Variants in EYA4 observed in about 807,000 individuals in gnomAD.
The protein encoded by EYA4 is protein phosphatase EYA4.
Under a neutral mutation model 87.9 loss-of-function variants are expected in EYA4, and 31 were observed. The ratio of observed to expected loss-of-function variants is 0.35; its 90% CI spans 0.27 to 0.48. The LOEUF is 0.48. Ranked by LOEUF, EYA4 falls within the 20% of genes least tolerant of loss-of-function variation. The pLI is 0.99. For missense variants in EYA4, 678 were observed against 761.4 expected (o/e 0.89, Z 1.29); for synonymous variants, 263 against 270.6 (o/e 0.97, Z 0.28).
Position 133,528,908 on chromosome 6 carries a change from G to T in EYA4, c.*103G>T. Reference sequence around the variant, plus strand: ...TCTACACATATAAATTGTCTTAATGGATGAAATCATATTTGGAATAAAAAT... The same window carrying T: ...TCTACACATATAAATTGTCTTAATGTATGAAATCATATTTGGAATAAAAAT... On this transcript the variant is annotated 3_prime_UTR_variant, in exon 20 of 20. Coordinates refer to ENST00000355286, the MANE Select transcript of EYA4 (RefSeq NM_004100.5). The T allele has an allele frequency of 6.3e-7, 1 of 1,594,994 alleles. No homozygotes were observed. The highest frequency in any genetic ancestry group is 1.7e-5 in the Admixed American group (1 of 58,312).
At chr6:133,379,321 G>A (rs1785973994) in intron 2 of EYA4, among the ~76,000 whole-genome samples, 1 of 151,982 alleles carries the variant, frequency 6.6e-6, no homozygotes, top group Admixed American at 6.6e-5. Flanking sequence ...TAGCATATAT[G>A]GGTCAGCACT....
intron 2 of EYA4, among the ~76,000 whole-genome samples, chr6:133,304,842 C>T (rs11154722): frequency 0.16 from 24,483 of 152,062 alleles, 2,428 homozygotes; most frequent in East Asian, 0.42. Flanking sequence ...CAGCACTAAA[C>T]GTGAGATAAA....
At chr6:133,381,012 C>T (rs1786158083) in intron 2 of EYA4, among the ~76,000 whole-genome samples, 2 of 149,350 alleles carry the variant, frequency 1.3e-5, no homozygotes, top group Non-Finnish European at 3.0e-5. Flanking sequence ...TCCTCATCCC[C>T]TCCTCCTTCT....
chr6:133,460,690 T>C (rs1794304094), intron 6 of EYA4, among the ~76,000 whole-genome samples: 2 of 152,124 alleles, frequency 1.3e-5, no homozygotes, highest in Admixed American at 6.6e-5. Flanking sequence ...TTTTGTATTG[T>C]ATTTGAATTA....
chr6:133,414,565 C>T (rs751326355), intron 3 of EYA4, among the ~76,000 whole-genome samples: 1 of 152,034 alleles, frequency 6.6e-6, no homozygotes, highest in East Asian at 1.9e-4. Flanking sequence ...AAGGGTGGGG[C>T]CCTTTGCTAT....
intron 1 of EYA4, among the ~76,000 whole-genome samples, chr6:133,267,909 G>T (rs1205087458): frequency 2.6e-5 from 4 of 152,136 alleles, no homozygotes; most frequent in Non-Finnish European, 5.9e-5. Flanking sequence ...AAAGTACAGA[G>T]ATGGATTGCT....
At position 133,529,347 on chromosome 6, in the gene EYA4, G is replaced by A; in HGVS notation, c.*542G>A. The A allele has an allele frequency of 2.0e-6, 2 of 993,692 alleles. No individual in the cohort carries two copies. Among genetic ancestry groups the A allele is most frequent in the South Asian group, 4.5e-5 (1 of 22,200 alleles). 61.6% of individuals were successfully genotyped at this position (993,692 alleles called of 1,614,324 possible). A position where few individuals can be genotyped will look rare whatever the true frequency, so the allele number is the denominator to read the frequency against. On this transcript the variant is annotated 3_prime_UTR_variant, in exon 20 of 20. Transcript: ENST00000355286. ...TTATTAGCAGCTGACTTTCAAAGTGGATGCAATTTTTCTTTCTTTTGTTGG... is the reference window on the plus strand; with the variant it reads ...TTATTAGCAGCTGACTTTCAAAGTGAATGCAATTTTTCTTTCTTTTGTTGG...
chr6:133,424,419 C>A (rs1790470350), intron 3 of EYA4, among the ~76,000 whole-genome samples: 1 of 152,164 alleles, frequency 6.6e-6, no homozygotes, highest in Non-Finnish European at 1.5e-5. Flanking sequence ...CCTCCTACTG[C>A]CATTCATGGC....
intron 1 of EYA4, among the ~76,000 whole-genome samples, chr6:133,253,750 TTTCTC>T (rs1424560146): frequency 6.6e-6 from 1 of 152,152 alleles, no homozygotes; most frequent in African/African-American, 2.4e-5. Context: ...AATTAGTTCT[TTTCTC>T]TGTGTAATAC....
chr6:133,322,290 A>G (rs1168199975), intron 2 of EYA4, among the ~76,000 whole-genome samples: 3 of 152,216 alleles, frequency 2.0e-5, no homozygotes, highest in African/African-American at 4.8e-5. Context: ...TATTATAGGA[A>G]TGTAGAATTG....
chr6:133,380,831 ATTCCTCTTCCTCCTCCTCCTTG>A (rs1472392726), intron 2 of EYA4, among the ~76,000 whole-genome samples: 29 of 143,960 alleles, frequency 2.0e-4, no homozygotes, highest in Non-Finnish European at 3.9e-4. Context: ...CCTACGCCTT[ATTCCTCTTCCTCCTCCTCCTTG>A]TTCCTCTTCC....
At chr6:133,320,776 C>T (rs187030744) in intron 2 of EYA4, among the ~76,000 whole-genome samples, 42 of 152,074 alleles carry the variant, frequency 2.8e-4, no homozygotes, top group African/African-American at 8.9e-4. Context: ...AAAAACATGC[C>T]GTATTTGATT....
intron 2 of EYA4, among the ~76,000 whole-genome samples, chr6:133,362,609 A>G (rs1340456168): frequency 2.0e-5 from 3 of 152,230 alleles, no homozygotes; most frequent in African/African-American, 7.2e-5. Context: ...AACAAATTCT[A>G]TAGCCACAGC....
intron 3 of EYA4, among the ~76,000 whole-genome samples, chr6:133,384,505 T>C (rs1583130550): frequency 6.6e-6 from 1 of 152,156 alleles, no homozygotes; most frequent in African/African-American, 2.4e-5. Context: ...TTCATAACTT[T>C]GTGATATCAA....
At chr6:133,450,951 T>C (rs1001363781) in intron 5 of EYA4, among the ~76,000 whole-genome samples, 1 of 152,258 alleles carries the variant, frequency 6.6e-6, no homozygotes, top group Admixed American at 6.5e-5. Flanking sequence ...TATAATTACA[T>C]CTGCAGATTT....
intron 3 of EYA4, among the ~76,000 whole-genome samples, chr6:133,436,997 A>G (rs768726076): frequency 1.3e-5 from 2 of 152,152 alleles, no homozygotes; most frequent in Non-Finnish European, 2.9e-5. Context: ...CATCTATGCT[A>G]CAGAAAAATT....
intron 2 of EYA4, among the ~76,000 whole-genome samples, chr6:133,335,127 T>C (rs960493486): frequency 2.6e-5 from 4 of 152,190 alleles, no homozygotes; most frequent in African/African-American, 9.6e-5. Context: ...ATTTCCTTTT[T>C]TCAAGATAGT....
chr6:133,438,354 A>T (rs968750745), intron 3 of EYA4, among the ~76,000 whole-genome samples: 2 of 149,120 alleles, frequency 1.3e-5, no homozygotes, highest in African/African-American at 2.5e-5. Flanking sequence ...GCTCCGTTCT[A>T]TGGTGTGTGC....
intron 13 of EYA4, among the ~76,000 whole-genome samples, chr6:133,487,735 C>T (rs1796800709): frequency 6.6e-6 from 1 of 152,182 alleles, no homozygotes; most frequent in Admixed American, 6.5e-5. Context: ...AGTAGCAAGG[C>T]AGTACTTGCC....
Sources: allele counts gnomAD v4.1 joint callset (sites outside exome capture counted in the v4.1 genomes callset), GRCh38; gene constraint gnomAD v4.1.1; transcripts MANE v1.5; gene names NCBI Gene and HGNC (gene_info 2026-07-23, HGNC 2026-07-21).